Variants in COBLL1 observed in about 807,000 individuals in gnomAD.
COBLL1 encodes cordon-bleu WH2 repeat protein like 1, also known as cordon-bleu protein-like 1.
Under a neutral mutation model 94.8 loss-of-function variants are expected in COBLL1, and 50 were observed. That is an observed-to-expected ratio of 0.53 (90% CI 0.42 to 0.67). The LOEUF (loss-of-function observed/expected upper bound fraction) is 0.67, where lower values mean the gene tolerates loss of function less well. COBLL1 is among the 30% of genes least tolerant of loss of function. The pLI is 0.00. For missense variants in COBLL1, 1,362 were observed against 1,348.7 expected (o/e 1.01, Z -0.15); for synonymous variants, 448 against 473.8 (o/e 0.95, Z 0.71).
chr2:164,760,927 G>A (rs898947588), intron 2 of COBLL1, among the ~76,000 whole-genome samples: 5 of 151,946 alleles, frequency 3.3e-5, no homozygotes, highest in African/African-American at 1.2e-4. Context: ...TGAAACCACC[G>A]AACTAAAATA....
At position 164,798,315 on chromosome 2, in the gene COBLL1, T is replaced by C. The variant is rs116830574; in HGVS notation, c.41+42841A>G. ...ATTCCTCATACACACATTAATTTTC[T>C]AAATATCAATCCTCCACTTCTCCCT... is the stretch of plus-strand genomic sequence containing the variant. On this transcript the variant is annotated intron_variant, in intron 2 of 13. Coordinates refer to ENST00000652658, the MANE Select transcript of COBLL1 (RefSeq NM_001365672.2). 1.9e-3 allele frequency among the ~76,000 whole-genome samples: 292 copies of C among 152,344 alleles called. 1 individual carries two copies. The highest frequency in any genetic ancestry group is 6.4e-3 in the African/African-American group (267 of 41,588).
chr2:164,725,136 A>ATATATATATGT (rs1685663385), intron 5 of COBLL1: 1 of 44,534 alleles, frequency 2.2e-5, no homozygotes. Context: ...ATATATATAA[A>ATATATATATGT]ATGAAAGCAG....
Position 164,685,003 on chromosome 2 carries a change from A to G in COBLL1, c.*943T>C, listed in dbSNP as rs1683211177. On this transcript the variant is annotated 3_prime_UTR_variant, in exon 14 of 14. Transcript: ENST00000652658. ...TTTAGCTTCAATGTAAATATATATT[A>G]TTACTTAGAATATTAGCATCTGAAC... 1 of 152,174 alleles carries G rather than the reference A, an allele frequency of 6.6e-6. No individual in the cohort carries two copies. The highest frequency in any genetic ancestry group is 6.6e-5 in the Admixed American group (1 of 15,266). The allele number at this position is 152,174 out of a possible 1,614,324, so 9.4% of individuals were successfully genotyped here. A position where few individuals can be genotyped will look rare whatever the true frequency, so the allele number is the denominator to read the frequency against.
At chr2:164,744,607 TC>T (rs563537560) in intron 2 of COBLL1, among the ~76,000 whole-genome samples, 1 of 152,044 alleles carries the variant, frequency 6.6e-6, no homozygotes, top group Admixed American at 6.6e-5. Flanking sequence ...ATCCATTGAG[TC>T]CAGGAGTTTG....
At chr2:164,660,967 T>C (rs1691061244) in intron 2 of COBLL1, among the ~76,000 whole-genome samples, 1 of 152,182 alleles carries the variant, frequency 6.6e-6, no homozygotes, top group African/African-American at 2.4e-5. Flanking sequence ...TTTTAGATAG[T>C]ATTTTTCTGA....
chr2:164,724,823 A>G (rs1268545444), intron 5 of COBLL1: 4 of 152,070 alleles, frequency 2.6e-5, no homozygotes, highest in Non-Finnish European at 5.9e-5. Flanking sequence ...AATAAATACA[A>G]TAATACAATA....
intron 2 of COBLL1, among the ~76,000 whole-genome samples, chr2:164,658,408 G>A (rs932725528): frequency 1.3e-5 from 2 of 152,178 alleles, no homozygotes; most frequent in Non-Finnish European, 2.9e-5. Context: ...TGGGCTAGCA[G>A]GCCGGTCCAG....
At chr2:164,813,873 C>T (rs1261771618) in intron 2 of COBLL1, among the ~76,000 whole-genome samples, 2 of 152,108 alleles carry the variant, frequency 1.3e-5, no homozygotes, top group African/African-American at 2.4e-5. Context: ...ATCTTACCAG[C>T]ATGTGCTTTA....
In COBLL1 at chr2:164,818,332, A is replaced by ATGTATACATATACACGTGTG. The variant is rs1356412039; in HGVS notation, c.41+22823_41+22824insCACACGTGTATATGTATACA. On this transcript the variant is annotated intron_variant, in intron 2 of 13. Transcript: ENST00000652658. ...CATATACACGTGTGTATGTATACATATATGTATATATACATATGTGCATAT... is the reference window on the plus strand; with the variant it reads ...CATATACACGTGTGTATGTATACATATGTATACATATACACGTGTGTATGTATATATACATATGTGCATAT... Among the ~76,000 whole-genome samples the ATGTATACATATACACGTGTG allele has an allele frequency of 1.3e-3, 193 of 146,114 alleles. 4 individuals are homozygous for ATGTATACATATACACGTGTG. The highest frequency in any genetic ancestry group is 3.8e-3 in the Middle Eastern group (1 of 266).
At chr2:164,660,468 A>T (rs1224293569) in intron 2 of COBLL1, among the ~76,000 whole-genome samples, 1 of 152,148 alleles carries the variant, frequency 6.6e-6, no homozygotes, top group Non-Finnish European at 1.5e-5. Flanking sequence ...CCTGACTCTG[A>T]CCCAGTGAGA....
intron 13 of COBLL1, chr2:164,687,516 C>T (rs1232021033): frequency 6.4e-6 from 9 of 1,409,552 alleles, no homozygotes; most frequent in Non-Finnish European, 8.9e-6. Context: ...TGCGGACGGA[C>T]ATGGTAACTT....
intron 2 of COBLL1, among the ~76,000 whole-genome samples, chr2:164,821,011 C>T (rs1435953043): frequency 1.3e-5 from 2 of 152,090 alleles, no homozygotes; most frequent in Non-Finnish European, 2.9e-5. Flanking sequence ...CCTCAGCCTC[C>T]CGAGTAGCTG....
At chr2:164,823,025 T>C (rs1345936408) in intron 2 of COBLL1, among the ~76,000 whole-genome samples, 1 of 151,988 alleles carries the variant, frequency 6.6e-6, no homozygotes, top group African/African-American at 2.4e-5. Flanking sequence ...CAAACATAAA[T>C]TCATCCAAGG....
intron 2 of COBLL1, among the ~76,000 whole-genome samples, chr2:164,767,301 A>G (rs391915): frequency 0.23 from 35,493 of 152,208 alleles, 4,806 homozygotes; most frequent in African/African-American, 0.37. Flanking sequence ...TAGTTAGAAG[A>G]GACACTACCA....
chr2:164,774,404 G>C lies in COBLL1; in HGVS notation c.42-30529C>G, dbSNP rs1688362109. 2.0e-5 allele frequency among the ~76,000 whole-genome samples: 3 copies of C among 152,246 alleles called. No individual in the cohort carries two copies. In the South Asian group the frequency reaches 6.2e-4, roughly 32 times the overall value. ...TACTGTGAAGGCCCTGATGTGAAAG[G>C]AGAAGAATTTAAACAGCTAGATTTT... On this transcript the variant is annotated intron_variant, in intron 2 of 13. Coordinates refer to ENST00000652658, the MANE Select transcript of COBLL1 (RefSeq NM_001365672.2).
At chr2:164,802,476 G>A (rs986716341) in intron 2 of COBLL1, among the ~76,000 whole-genome samples, 2 of 152,244 alleles carry the variant, frequency 1.3e-5, no homozygotes, top group South Asian at 4.1e-4. Context: ...GAGTTTACTT[G>A]GCCCAATACA....
At position 164,704,502 on chromosome 2, in the gene COBLL1, A is replaced by G. The variant is rs770637655; in HGVS notation, c.1167T>C (p.Asp389=). ...NSRVTALQPV[D]GVPPDSASEA... ...CTGAAGCACTGTCTGGAGGAACTCC[A>G]TCTACTGGCTGTAAGGCTAAAGGAA... The change falls in exon 9 of 14, where the codon GAT becomes GAC. Residue 389 remains aspartate, a synonymous_variant. Transcript: ENST00000652658. The G allele has an allele frequency of 1.9e-6, 3 of 1,613,338 alleles. No homozygotes were observed. Among genetic ancestry groups the G allele is most frequent in the Non-Finnish European group, 2.5e-6 (3 of 1,179,386 alleles).
At position 164,727,731 on chromosome 2, in the gene COBLL1, G is replaced by A. The variant is rs180861900; in HGVS notation, c.661+238C>T. The stretch of plus-strand genomic sequence containing the variant: ...AGAAAAAATATAAATTGTGGATGAT[G>A]GCTAAAAAGACAAGTTTTAATTCCA... On this transcript the variant is annotated intron_variant, in intron 5 of 13. Coordinates refer to ENST00000652658, the MANE Select transcript of COBLL1 (RefSeq NM_001365672.2). 6.7e-5 allele frequency among the ~76,000 whole-genome samples: 10 copies of A among 150,348 alleles called. 1 individual carries two copies. In the East Asian group the frequency reaches 1.9e-3, roughly 29 times the overall value.
rs74356422 is a variant in COBLL1, at chr2:164,751,079, A to G, written c.42-7204T>C. On this transcript the variant is annotated intron_variant, in intron 2 of 13. Transcript: ENST00000652658. ...AAAATGCTTTTAACCAGAAAACTTC[A>G]AATTGCCTGCTCCTTGAGGTCATTC... Among the ~76,000 whole-genome samples, 832 of 152,212 alleles carry G rather than the reference A, an allele frequency of 5.5e-3. 9 individuals are homozygous for G. Among genetic ancestry groups the G allele is most frequent in the African/African-American group, 0.019 (788 of 41,534 alleles).
Sources: gnomAD v4.1 joint callset for allele counts (sites outside exome capture counted in the v4.1 genomes callset) on GRCh38, gnomAD v4.1.1 for gene constraint, MANE v1.5 for transcripts, NCBI Gene and HGNC (gene_info 2026-07-23, HGNC 2026-07-21) for gene names.